Variants in BIRC6 observed in about 807,000 individuals in gnomAD.
BIRC6 encodes the protein baculoviral IAP repeat containing 6.
Under a neutral mutation model 503.3 loss-of-function variants are expected in BIRC6, and 98 were observed. That is an observed-to-expected ratio of 0.19 (90% CI 0.17 to 0.23). BIRC6 has a LOEUF of 0.23. BIRC6 is among the 10% of genes least tolerant of loss of function. BIRC6 has a pLI of 1.00. For missense variants in BIRC6, 5,360 were observed against 5,806.0 expected, an observed-to-expected ratio of 0.92 and a Z score of 2.50; for synonymous variants, 2,240 against 2,078.7, an observed-to-expected ratio of 1.08 and a Z score of -2.11.
intron 69 of BIRC6, 75 bp from the exon 70 acceptor site, chr2:32,599,664 T>C (rs2061922376): frequency 2.1e-6 from 3 of 1,449,544 alleles, no homozygotes; most frequent in Middle Eastern, 1.8e-4. Context: ...TCTTATTTCA[T>C]GTTGGATTGT....
rs894412192 is a variant in BIRC6 at position 32,490,099 on chromosome 2, A to C, written c.8154A>C (p.Thr2718=). ...LAWYPNTLLR[T]WCLVLHSLTL... ...GGTATCCCAATACTTTGCTCCGGAC[A>C]TGGTGCCTTGTGCTTCATAGCCTAA... Residue 2718 remains threonine (T), a synonymous_variant, in exon 43 of 74, where the codon ACA becomes ACC. Coordinates refer to ENST00000421745, the MANE Select transcript of BIRC6 (RefSeq NM_016252.4). The C allele has an allele frequency of 6.2e-7, 1 of 1,613,720 alleles. No individual in the cohort carries two copies. The highest frequency in any genetic ancestry group is 1.7e-5 in the Admixed American group (1 of 60,022).
In BIRC6 at chr2:32,463,253, G is replaced by T; in HGVS notation, c.4813G>T (p.Ala1605Ser). The T allele has an allele frequency of 6.2e-7, 1 of 1,613,638 alleles. No individual in the cohort carries two copies. The highest frequency in any genetic ancestry group is 1.1e-5 in the South Asian group (1 of 90,994). The stretch of plus-strand genomic sequence containing the variant: ...ACTATCATCTGGGACAGTTGGGGAA[G>T]CCTCGACAGCCCTGAGTTCAGCAGC... Reference protein sequence around the residue: ...GGLSSGTVGEASTALSSAAQV... With the variant: ...GGLSSGTVGESSTALSSAAQV... The change falls in exon 24 of 74, where the codon GCC becomes TCC. Residue 1605 changes from alanine to serine, a missense_variant. Coordinates refer to ENST00000421745, the MANE Select transcript of BIRC6 (RefSeq NM_016252.4).
In BIRC6 at chr2:32,547,896, A is replaced by C; in HGVS notation, c.12857A>C (p.Gln4286Pro). 6.2e-7 allele frequency: 1 copy of C among 1,612,664 alleles called. No individual in the cohort carries two copies. The highest frequency in any genetic ancestry group is 8.5e-7 in the Non-Finnish European group (1 of 1,179,428). The stretch of plus-strand genomic sequence containing the variant: ...AACCCTACATCAACAGAAGAACAAC[A>C]GTTATATTGGGCCAAAGGGACTGGC... ...SHNPTSTEEQ[Q>P]LYWAKGTGFG... The change falls in exon 64 of 74, where the codon CAG (glutamine) becomes CCG (proline). Residue 4286 changes from glutamine (Q) to proline (P), a missense_variant. Coordinates refer to ENST00000421745, the MANE Select transcript of BIRC6 (RefSeq NM_016252.4).
intron 67 of BIRC6, 159 bp downstream of exon 67, chr2:32,594,219 G>A (rs1357383542): frequency 1.4e-6 from 1 of 700,544 alleles, no homozygotes; most frequent in Non-Finnish European, 2.3e-6. Context: ...TTCTTTATCT[G>A]ATTTCAATCA....
At chr2:32,579,030 T>TATATATATACCTA (rs2060486040) in intron 66 of BIRC6, among the ~76,000 whole-genome samples, 2 of 136,900 alleles carry the variant, frequency 1.5e-5, no homozygotes, top group Middle Eastern at 3.7e-3. Context: ...ATATACCTAA[T>TATATATATACCTA]ATATATATGT....
At chr2:32,499,109 A>G (rs2052839343) in intron 45 of BIRC6, among the ~76,000 whole-genome samples, 1 of 152,220 alleles carries the variant, frequency 6.6e-6, no homozygotes, top group African/African-American at 2.4e-5. Flanking sequence ...AAGAGCATTC[A>G]ATTTTGATAC....
chr2:32,496,158 T>G (rs1371704762), intron 45 of BIRC6, among the ~76,000 whole-genome samples: 1 of 152,058 alleles, frequency 6.6e-6, no homozygotes, highest in Admixed American at 6.6e-5. Flanking sequence ...GAAAATACTT[T>G]CCTTTTTTCA....
intron 65 of BIRC6, among the ~76,000 whole-genome samples, chr2:32,562,802 C>T (rs1448504764): frequency 2.6e-5 from 4 of 152,084 alleles, no homozygotes; most frequent in Non-Finnish European, 5.9e-5. Context: ...GAAAAATATT[C>T]CATTGTATGA....
Position 32,468,615 on chromosome 2 carries a change from G to A in BIRC6, c.5959G>A (p.Ala1987Thr). The change falls in exon 29 of 74, where the codon GCT (alanine) becomes ACT (threonine). Residue 1987 changes from alanine to threonine, a missense_variant. By Grantham distance (58) the Ala-to-Thr change is moderately conservative. Around this residue, in one of 16 missense-constraint regions of BIRC6, gnomAD observed 2,299 missense variants for 2,267.2 expected, o/e 1.01. Transcript: ENST00000421745. Reference sequence around the variant, plus strand: ...TCAGCTACAGCTTCAACTAAATTTGGCTCATAATGCAGTGCAGAGGCTCAA... The same window carrying A: ...TCAGCTACAGCTTCAACTAAATTTGACTCATAATGCAGTGCAGAGGCTCAA... Reference protein sequence around the residue: ...CIQLQLQLNLAHNAVQRLKVA... With the variant: ...CIQLQLQLNLTHNAVQRLKVA... The A allele has an allele frequency of 6.2e-7, 1 of 1,613,948 alleles. No individual in the cohort carries two copies. The highest frequency in any genetic ancestry group is 8.5e-7 in the Non-Finnish European group (1 of 1,179,866).
rs910604212 is a variant in BIRC6, at chr2:32,401,480, A to G, written c.1275A>G (p.Glu425=). 3 of 1,613,924 alleles carry G rather than the reference A, an allele frequency of 1.9e-6. No homozygotes were observed. Among genetic ancestry groups the G allele is most frequent in the Non-Finnish European group, 2.5e-6 (3 of 1,179,866 alleles). The change falls in exon 8 of 74, where the codon GAA becomes GAG. Residue 425 remains glutamate (E), a synonymous_variant. Coordinates refer to ENST00000421745, the MANE Select transcript of BIRC6 (RefSeq NM_016252.4). ...SKLMKVHLKF[E]INAYDPAIVQ... ...TTGTTTAGGTGCACTTAAAGTTTGAAATTAATGCCTATGATCCAGCAATTG... is the reference window on the plus strand; with the variant it reads ...TTGTTTAGGTGCACTTAAAGTTTGAGATTAATGCCTATGATCCAGCAATTG...
intron 66 of BIRC6, among the ~76,000 whole-genome samples, chr2:32,583,836 T>G (rs2151209938): frequency 6.6e-6 from 1 of 152,272 alleles, no homozygotes; most frequent in African/African-American, 2.4e-5. Flanking sequence ...GTTCAAGTGA[T>G]TTTTCTACCT....
chr2:32,464,435 T>A, intron 24 of BIRC6, 74 bp from the exon 25 acceptor site: 1 of 1,413,644 alleles, frequency 7.1e-7, no homozygotes, highest in Non-Finnish European at 9.4e-7. Context: ...TCATAATATA[T>A]GTCCATGTGG....
At position 32,464,741 on chromosome 2, in the gene BIRC6, C is replaced by G; in HGVS notation, c.5174C>G (p.Ala1725Gly). Residue 1725 changes from alanine (A) to glycine (G), a missense_variant, in exon 25 of 74, where the codon GCA becomes GGA. By Grantham distance (60) the Ala-to-Gly change is moderately conservative. Around this residue, in one of 16 missense-constraint regions of BIRC6, gnomAD observed 2,299 missense variants for 2,267.2 expected, o/e 1.01. Transcript: ENST00000421745. ...AVSVVINAEL[A>G]QLFPGSVIDP... The stretch of plus-strand genomic sequence containing the variant: ...TCCGTTGTGATTAATGCCGAACTTG[C>G]ACAGCTTTTCCCAGGCTCAGTCATT... The G allele has an allele frequency of 6.2e-7, 1 of 1,614,006 alleles. No homozygotes were observed. Among genetic ancestry groups the G allele is most frequent in the East Asian group, 2.2e-5 (1 of 44,884 alleles).
At chr2:32,452,025 A>G (rs1278138769) in intron 22 of BIRC6, among the ~76,000 whole-genome samples, 1 of 152,220 alleles carries the variant, frequency 6.6e-6, no homozygotes, top group African/African-American at 2.4e-5. Flanking sequence ...TCTTAATGTA[A>G]CAGAGTTTGA....
intron 58 of BIRC6, 52 bp from the exon 59 acceptor site, chr2:32,525,412 C>T: frequency 6.3e-7 from 1 of 1,585,976 alleles, no homozygotes; most frequent in Non-Finnish European, 8.7e-7. Flanking sequence ...CACTGTTTTC[C>T]TTCATATTAG....
chr2:32,553,864 A>G (rs1030934412), intron 65 of BIRC6, among the ~76,000 whole-genome samples: 1 of 152,224 alleles, frequency 6.6e-6, no homozygotes, highest in African/African-American at 2.4e-5. Context: ...GCTTACTAAA[A>G]TAAAGACATC....
chr2:32,571,378 CTT>C (rs61599835), intron 65 of BIRC6, among the ~76,000 whole-genome samples: 279 of 20,308 alleles, frequency 0.014, 1 homozygote, highest in African/African-American at 0.055. Context: ...TGGTCCTGGG[CTT>C]TTTTTTTTTT....
Position 32,599,770 on chromosome 2 carries a change from A to T in BIRC6, c.13862A>T (p.Tyr4621Phe). 6.2e-7 allele frequency: 1 copy of T among 1,613,924 alleles called. No individual in the cohort carries two copies. The highest frequency in any genetic ancestry group is 1.1e-5 in the South Asian group (1 of 91,088). Residue 4621 changes from tyrosine (Y) to phenylalanine (F), a missense_variant, in exon 70 of 74, where the codon TAT (tyrosine) becomes TTT (phenylalanine). Around this residue, in one of 16 missense-constraint regions of BIRC6, gnomAD observed 66 missense variants for 113.2 expected, o/e 0.58. Transcript: ENST00000421745. ...VLITGPADTPYANGCFEFDVY... is the reference protein window; with the variant it reads ...VLITGPADTPFANGCFEFDVY... ...ATAACTGGTCCAGCGGACACCCCTTATGCAAATGGCTGCTTTGAGTTTGAT... is the reference window on the plus strand; with the variant it reads ...ATAACTGGTCCAGCGGACACCCCTTTTGCAAATGGCTGCTTTGAGTTTGAT...
In BIRC6 at chr2:32,430,791, C is replaced by G. The variant is rs866891966; in HGVS notation, c.3023-74C>G. ...AAAACCTACCCATGAATTAAAACTT[C>G]ACTTCATTGTCTTCTTTTTTTTTTT... On this transcript the variant is annotated intron_variant, in intron 11 of 73. Coordinates refer to ENST00000421745, the MANE Select transcript of BIRC6 (RefSeq NM_016252.4). 69 of 1,148,788 alleles carry G rather than the reference C, an allele frequency of 6.0e-5. 1 individual carries two copies. The African/African-American group carries it at 9.9e-4, about 16-fold the overall frequency. The allele number at this position is 1,148,788 out of a possible 1,614,324, so 71.2% of individuals were successfully genotyped here.
Sources: allele counts gnomAD v4.1 joint callset (sites outside exome capture counted in the v4.1 genomes callset), GRCh38; gene constraint gnomAD v4.1.1; regional missense constraint gnomAD v4.1.1; transcripts MANE v1.5; gene names NCBI Gene and HGNC (gene_info 2026-07-23, HGNC 2026-07-21).